ITPR2: variants seen among roughly 807,000 people sequenced by gnomAD.
ITPR2 encodes the protein inositol 1,4,5-trisphosphate receptor type 2, also known as inositol 1,4,5-trisphosphate-gated calcium channel ITPR2.
ITPR2 carries 207 observed loss-of-function variants against 317.1 expected under a neutral mutation model. The observed-to-expected ratio is 0.65, with a 90% CI of 0.58 to 0.73. The LOEUF (loss-of-function observed/expected upper bound fraction) is 0.73, where lower values mean the gene tolerates loss of function less well. Ranked by LOEUF, ITPR2 falls within the 30% of genes least tolerant of loss-of-function variation. The pLI, the probability that ITPR2 is intolerant of heterozygous loss-of-function variation, is 0.00. For synonymous variants in ITPR2, 1,156 were observed against 1,149.1 expected (o/e 1.01, Z -0.12); for missense variants, 2,613 against 3,284.0 (o/e 0.80, Z 4.99).
intron 45 of ITPR2, among the ~76,000 whole-genome samples, chr12:26,451,407 A>ACACACG (rs1491224401): frequency 6.9e-6 from 1 of 144,388 alleles, no homozygotes; most frequent in Non-Finnish European, 1.6e-5. Flanking sequence ...ACACACACAC[A>ACACACG]CGGAAAGTAA....
At chr12:26,562,684 G>T (rs1944851563) in intron 34 of ITPR2, among the ~76,000 whole-genome samples, 1 of 151,840 alleles carries the variant, frequency 6.6e-6, no homozygotes, top group African/African-American at 2.4e-5. Context: ...CAGGGATATG[G>T]GGCAACTCAT....
chr12:26,605,096 A>AT (rs1946092604), intron 26 of ITPR2, among the ~76,000 whole-genome samples: 2 of 112,442 alleles, frequency 1.8e-5, no homozygotes, highest in Non-Finnish European at 3.9e-5. Flanking sequence ...TCAAAAAAAA[A>AT]AAAAATAAAA....
intron 37 of ITPR2, among the ~76,000 whole-genome samples, chr12:26,547,463 C>A (rs773821247): frequency 4.6e-5 from 7 of 152,168 alleles, no homozygotes; most frequent in Non-Finnish European, 1.0e-4. Flanking sequence ...GGAATGTAAA[C>A]TAGTAGAGCC....
intron 54 of ITPR2, among the ~76,000 whole-genome samples, chr12:26,398,366 T>G (rs1940072123): frequency 6.6e-6 from 1 of 152,164 alleles, no homozygotes; most frequent in African/African-American, 2.4e-5. Context: ...GAGGTTGCAC[T>G]GAGCTGAGAT....
At chr12:26,699,907 T>C (rs1948415447) in intron 9 of ITPR2, among the ~76,000 whole-genome samples, 1 of 152,172 alleles carries the variant, frequency 6.6e-6, no homozygotes. Context: ...GGACTTAATG[T>C]CTTTATGTTA....
At chr12:26,566,684 G>A (rs879363231) in intron 34 of ITPR2, among the ~76,000 whole-genome samples, 5 of 152,132 alleles carry the variant, frequency 3.3e-5, no homozygotes, top group Admixed American at 1.3e-4. Context: ...AATAATAACA[G>A]CTATAAGGCA....
At chr12:26,725,184 CAAAGTCTCAAAAATA>C (rs1478996931) in intron 3 of ITPR2, among the ~76,000 whole-genome samples, 4 of 152,000 alleles carry the variant, frequency 2.6e-5, no homozygotes, top group African/African-American at 9.7e-5. Flanking sequence ...GTAGAATTTC[CAAAGTCTCAAAAATA>C]AAAGTTCTTA....
intron 21 of ITPR2, among the ~76,000 whole-genome samples, chr12:26,636,002 C>A (rs1946855650): frequency 6.6e-6 from 1 of 152,202 alleles, no homozygotes; most frequent in Non-Finnish European, 1.5e-5. Flanking sequence ...CCAGAGAAAG[C>A]AATTTTATCT....
At chr12:26,789,622 G>A (rs1950310688) in intron 2 of ITPR2, among the ~76,000 whole-genome samples, 1 of 152,100 alleles carries the variant, frequency 6.6e-6, no homozygotes, top group South Asian at 2.1e-4. Context: ...TAAGAGTTGA[G>A]TTATAATCAA....
intron 2 of ITPR2, among the ~76,000 whole-genome samples, chr12:26,786,594 C>T (rs926504113): frequency 3.8e-4 from 57 of 151,950 alleles, no homozygotes; most frequent in African/African-American, 1.2e-3. Context: ...TTGAAATAAC[C>T]CTTTGGAAAT....
chr12:26,515,400 G>A (rs2136924328), intron 37 of ITPR2, among the ~76,000 whole-genome samples: 1 of 152,232 alleles, frequency 6.6e-6, no homozygotes, highest in East Asian at 1.9e-4. Flanking sequence ...TGTATTGCCT[G>A]TGTAAACTAT....
chr12:26,442,411 C>A (rs1358668153), intron 46 of ITPR2, among the ~76,000 whole-genome samples: 6 of 152,064 alleles, frequency 3.9e-5, no homozygotes, highest in Admixed American at 2.0e-4. Context: ...GTATTTATAG[C>A]TAAATCTCTC....
At chr12:26,420,498 C>A (rs1041494555) in intron 49 of ITPR2, among the ~76,000 whole-genome samples, 1 of 152,116 alleles carries the variant, frequency 6.6e-6, no homozygotes, top group African/African-American at 2.4e-5. Flanking sequence ...CAAATCAATA[C>A]AGATGAAGTG....
intron 18 of ITPR2, 87 bp from the exon 19 acceptor site, chr12:26,656,635 A>T: frequency 7.4e-7 from 1 of 1,351,284 alleles, no homozygotes; most frequent in South Asian, 1.3e-5. Flanking sequence ...TATGTTTAAG[A>T]CACCTGTATT....
intron 52 of ITPR2, among the ~76,000 whole-genome samples, chr12:26,410,811 T>A (rs1197161536): frequency 6.6e-6 from 1 of 152,196 alleles, no homozygotes; most frequent in Non-Finnish European, 1.5e-5. Context: ...TGGTTCCATT[T>A]GATCCTGTGG....
intron 50 of ITPR2, 28 bp from the exon 51 acceptor site, chr12:26,415,526 G>A (rs1423643628): frequency 6.7e-6 from 3 of 450,528 alleles, no homozygotes; most frequent in South Asian, 3.7e-5. Flanking sequence ...ACACTAATAA[G>A]AAAAGAAGGC....
chr12:26,609,537 G>A (rs1023000730), intron 26 of ITPR2, among the ~76,000 whole-genome samples: 4 of 152,228 alleles, frequency 2.6e-5, no homozygotes, highest in Admixed American at 6.5e-5. Flanking sequence ...CTAGGAAGTG[G>A]AGTCTGCAGT....
Position 26,831,341 on chromosome 12 carries a change from C to G in ITPR2, c.92+1349G>C, listed in dbSNP as rs893398851. ...AGGGGGAATGCACAAGTAACAGGAA[C>G]TGTGGAAGTACTGGTGACTTCCACG... On this transcript the variant is annotated intron_variant, in intron 1 of 56. Transcript: ENST00000381340. This position sits in a 1 kb window ranked among gnomAD's most constrained non-coding sequence, Gnocchi z 4.9. Among the ~76,000 whole-genome samples, 1 of 152,204 alleles carries G rather than the reference C, an allele frequency of 6.6e-6. No homozygotes were observed. Among genetic ancestry groups the G allele is most frequent in the Non-Finnish European group, 1.5e-5 (1 of 68,036 alleles).
chr12:26,523,450 T>G (rs1261562224), intron 37 of ITPR2, among the ~76,000 whole-genome samples: 1 of 152,104 alleles, frequency 6.6e-6, no homozygotes, highest in Non-Finnish European at 1.5e-5. Context: ...TTATTCTCAC[T>G]CATAGATAAT....
Sources: gnomAD v4.1 joint callset for allele counts (sites outside exome capture counted in the v4.1 genomes callset) on GRCh38, gnomAD v4.1.1 for gene constraint, Gnocchi (gnomAD v3.1) non-coding constraint, MANE v1.5 for transcripts, NCBI Gene and HGNC (gene_info 2026-07-23, HGNC 2026-07-21) for gene names.